The following NR2F1-AS1 variants were observed in gnomAD, a reference collection of about 807,000 sequenced individuals.
NR2F1-AS1 encodes the protein NR2F1 regulatory antisense RNA 1, also known as NR2F1 antisense RNA 1.
chr5:93,434,318 C>CT (rs1190775042), intron 4 of NR2F1-AS1, among the ~76,000 whole-genome samples: 1 of 152,130 alleles, frequency 6.6e-6, no homozygotes. Flanking sequence ...CCCACTATCA[C>CT]TTTTTGTTTT....
rs142394506 is a variant in NR2F1-AS1 at position 93,569,532 on chromosome 5, A to G, written n.314-6069T>C. ...GTGGTGCTGCTGCGGAGGTCAGTAA[A>G]ACTATGCTAATTGGTGAACCTAATT... On this transcript the variant is annotated intron_variant and non_coding_transcript_variant, in intron 1 of 5. Transcript: ENST00000660523. Among the ~76,000 whole-genome samples the G allele has an allele frequency of 3.4e-3, 512 of 152,280 alleles. 3 individuals are homozygous for G. Among genetic ancestry groups the G allele is most frequent in the African/African-American group, 0.011 (459 of 41,554 alleles).
rs1251974446 is a variant in NR2F1-AS1 at position 93,544,584 on chromosome 5, ATAAAATTAGAGTAATTGTTAGTAATTTG to A, written n.638+9149_638+9176del. Among the ~76,000 whole-genome samples, 5 of 152,324 alleles carry A rather than the reference ATAAAATTAGAGTAATTGTTAGTAATTTG, an allele frequency of 3.3e-5. No individual in the cohort carries two copies. In the East Asian group the frequency reaches 9.6e-4, roughly 29 times the overall value. ...TAATCTTAAAGTCTTAATCTTAAAT[ATAAAATTAGAGTAATTGTTAGTAATTTG>A]TAATAGCCATGCAAAAAAATGAGTT... On this transcript the variant is annotated intron_variant and non_coding_transcript_variant, in intron 4 of 5. Transcript: ENST00000660523.
chr5:93,511,182 T>C (rs1171049890), intron 4 of NR2F1-AS1, among the ~76,000 whole-genome samples: 1 of 152,168 alleles, frequency 6.6e-6, no homozygotes, highest in Non-Finnish European at 1.5e-5. Context: ...ATCAGTAGAC[T>C]CAGTAAAGTA....
At chr5:93,478,959 G>A (rs1205966288) in intron 4 of NR2F1-AS1, among the ~76,000 whole-genome samples, 1 of 152,150 alleles carries the variant, frequency 6.6e-6, no homozygotes, top group Non-Finnish European at 1.5e-5. Flanking sequence ...CAGTAGAGTA[G>A]GATCAATCCC....
chr5:93,438,866 A>AT (rs548803541), intron 4 of NR2F1-AS1: 3 of 152,246 alleles, frequency 2.0e-5, no homozygotes, highest in Non-Finnish European at 4.4e-5. Context: ...AAGAGAGCTG[A>AT]ACCTTAGTGG....
intron 4 of NR2F1-AS1, among the ~76,000 whole-genome samples, chr5:93,505,321 G>A (rs777053137): frequency 3.9e-5 from 6 of 152,258 alleles, no homozygotes; most frequent in Middle Eastern, 3.4e-3. Flanking sequence ...CTAATGTTGC[G>A]TGTCTGCAGC....
intron 4 of NR2F1-AS1, among the ~76,000 whole-genome samples, chr5:93,425,060 A>G (rs1291321371): frequency 6.6e-6 from 1 of 152,196 alleles, no homozygotes; most frequent in Non-Finnish European, 1.5e-5. Context: ...TTGCTGAAAA[A>G]CAAAACACCC....
intron 4 of NR2F1-AS1, among the ~76,000 whole-genome samples, chr5:93,540,138 C>CGTTTT (rs1241782936): frequency 6.6e-6 from 1 of 152,108 alleles, no homozygotes; most frequent in African/African-American, 2.4e-5. Flanking sequence ...TCACCAGTAT[C>CGTTTT]ATTTCAAAAA....
At chr5:93,423,493 C>A (rs190036362) in intron 4 of NR2F1-AS1, among the ~76,000 whole-genome samples, 18 of 152,266 alleles carry the variant, frequency 1.2e-4, no homozygotes, top group African/African-American at 4.3e-4. Flanking sequence ...AACAGCCTTA[C>A]CCCAGCATTA....
At chr5:93,439,354 C>T (rs1187027776) in intron 4 of NR2F1-AS1, among the ~76,000 whole-genome samples, 4 of 152,114 alleles carry the variant, frequency 2.6e-5, no homozygotes, top group Non-Finnish European at 5.9e-5. Context: ...AGTGGAGTGG[C>T]GCGATCTCGG....
chr5:93,445,668 TA>T (rs375828572), intron 4 of NR2F1-AS1, among the ~76,000 whole-genome samples: 2,392 of 152,030 alleles, frequency 0.016, 33 homozygotes, highest in Non-Finnish European at 0.023. Flanking sequence ...CCAACCAATA[TA>T]AAAAGAGGGA....
At chr5:93,455,692 A>T (rs1032810986) in intron 4 of NR2F1-AS1, among the ~76,000 whole-genome samples, 4 of 152,174 alleles carry the variant, frequency 2.6e-5, no homozygotes, top group Non-Finnish European at 2.9e-5. Flanking sequence ...CAGATCAAAG[A>T]ATATTACTAG....
chr5:93,494,061 A>G (rs1436970832), intron 4 of NR2F1-AS1, among the ~76,000 whole-genome samples: 2 of 152,200 alleles, frequency 1.3e-5, no homozygotes, highest in East Asian at 1.9e-4. Context: ...AAAATTTTGC[A>G]ATTATATCTG....
chr5:93,489,544 G>A (rs189203294), intron 4 of NR2F1-AS1, among the ~76,000 whole-genome samples: 290 of 152,012 alleles, frequency 1.9e-3, no homozygotes, highest in Non-Finnish European at 2.9e-3. Context: ...ACGGTGGTTC[G>A]GTACCAAATC....
intron 4 of NR2F1-AS1, among the ~76,000 whole-genome samples, chr5:93,420,640 T>A (rs1322574610): frequency 6.6e-6 from 1 of 152,006 alleles, no homozygotes; most frequent in Admixed American, 6.6e-5. Flanking sequence ...AGAGACAAAA[T>A]AATTTACAGG....
At chr5:93,483,533 G>A (rs972496235) in intron 4 of NR2F1-AS1, among the ~76,000 whole-genome samples, 6 of 152,038 alleles carry the variant, frequency 3.9e-5, no homozygotes, top group African/African-American at 1.2e-4. Context: ...AAACCAGAAC[G>A]CCTCTTCTCC....
At chr5:93,459,491 C>T (rs2149862356) in intron 4 of NR2F1-AS1, among the ~76,000 whole-genome samples, 1 of 152,274 alleles carries the variant, frequency 6.6e-6, no homozygotes, top group South Asian at 2.1e-4. Flanking sequence ...GTGGCATATA[C>T]AACCATTAAT....
At chr5:93,519,259 A>G (rs751521746) in intron 4 of NR2F1-AS1, among the ~76,000 whole-genome samples, 49 of 152,216 alleles carry the variant, frequency 3.2e-4, no homozygotes, top group Middle Eastern at 3.4e-3. Context: ...TGACAGGAAT[A>G]GCAGATTTAC....
intron 4 of NR2F1-AS1, among the ~76,000 whole-genome samples, chr5:93,485,320 AC>A (rs1358892526): frequency 3.3e-5 from 5 of 152,188 alleles, no homozygotes; most frequent in Non-Finnish European, 7.4e-5. Flanking sequence ...TCAAAACCAC[AC>A]AACTACATGA....
Sources: gnomAD v4.1 joint callset for allele counts (sites outside exome capture counted in the v4.1 genomes callset) on GRCh38, gnomAD v4.1.1 for gene constraint, MANE v1.5 for transcripts, NCBI Gene and HGNC (gene_info 2026-07-23, HGNC 2026-07-21) for gene names.